ARHGAP15: variants seen among roughly 807,000 people sequenced by gnomAD.
ARHGAP15 encodes Rho GTPase activating protein 15, also known as rho GTPase-activating protein 15.
A neutral mutation model predicts 63.7 loss-of-function variants in ARHGAP15; 51 were observed. That is an observed-to-expected ratio of 0.80 (90% CI 0.64 to 1.01). The LOEUF (loss-of-function observed/expected upper bound fraction) is 1.01. Ranked by LOEUF, ARHGAP15 falls within the 50% of genes least tolerant of loss-of-function variation. The pLI is 0.00. For synonymous variants in ARHGAP15, 191 were observed against 193.8 expected, an observed-to-expected ratio of 0.99 and a Z score of 0.12; for missense variants, 560 against 564.6, an observed-to-expected ratio of 0.99 and a Z score of 0.08.
At chr2:143,572,477 G>T (rs1391226511) in intron 11 of ARHGAP15, among the ~76,000 whole-genome samples, 1 of 152,100 alleles carries the variant, frequency 6.6e-6, no homozygotes, top group African/African-American at 2.4e-5. Context: ...AGTCCACTCA[G>T]ACTTTCTAAG....
intron 6 of ARHGAP15, among the ~76,000 whole-genome samples, 153 bp downstream of exon 6, chr2:143,250,753 T>C (rs900572381): frequency 2.0e-5 from 3 of 152,070 alleles, no homozygotes; most frequent in Non-Finnish European, 2.9e-5. Flanking sequence ...CCCAGTTGAA[T>C]CTTTGGTTTT....
At chr2:143,487,827 G>A (rs541177887) in intron 9 of ARHGAP15, among the ~76,000 whole-genome samples, 10 of 152,142 alleles carry the variant, frequency 6.6e-5, no homozygotes, top group African/African-American at 2.4e-4. Context: ...TTCACAGCTG[G>A]GTTTTAGTAA....
intron 2 of ARHGAP15, among the ~76,000 whole-genome samples, chr2:143,184,884 T>C (rs1476319614): frequency 6.6e-6 from 1 of 151,710 alleles, no homozygotes; most frequent in Non-Finnish European, 1.5e-5. Context: ...AGTCTCACTA[T>C]GTGGCTCAGA....
intron 8 of ARHGAP15, among the ~76,000 whole-genome samples, chr2:143,468,646 G>A (rs796781864): frequency 1.5e-5 from 1 of 67,106 alleles, no homozygotes; most frequent in East Asian, 1.1e-3. Context: ...GAGAGAGAGA[G>A]AGAGAGAGAG....
chr2:143,313,955 G>T (rs1354841319), intron 6 of ARHGAP15, among the ~76,000 whole-genome samples: 2 of 97,906 alleles, frequency 2.0e-5, no homozygotes, highest in Non-Finnish European at 3.9e-5. Context: ...TGAGGAGAGG[G>T]CTTTTTTTTT....
At chr2:143,675,440 T>A (rs1194011985) in intron 12 of ARHGAP15, among the ~76,000 whole-genome samples, 2 of 152,218 alleles carry the variant, frequency 1.3e-5, no homozygotes, top group Non-Finnish European at 2.9e-5. Flanking sequence ...GCTTTCAATT[T>A]ACTTCGCCCA....
chr2:143,374,122 G>C (rs900323877), intron 6 of ARHGAP15, among the ~76,000 whole-genome samples: 1 of 152,140 alleles, frequency 6.6e-6, no homozygotes, highest in Non-Finnish European at 1.5e-5. Flanking sequence ...AATTGGCAAA[G>C]GGTGCCGCAA....
rs1318046706 is a variant in ARHGAP15, at chr2:143,562,044, T to C, written c.1003+5559T>C. Among the ~76,000 whole-genome samples the C allele has an allele frequency of 3.2e-4, 48 of 152,218 alleles. 1 individual carries two copies. Among genetic ancestry groups the C allele is most frequent in the Admixed American group, 3.1e-3 (48 of 15,288 alleles). On this transcript the variant is annotated intron_variant, in intron 11 of 13. Coordinates refer to ENST00000295095, the MANE Select transcript of ARHGAP15 (RefSeq NM_018460.4). ...TACCCAGATTTTATTGGCATAATAA[T>C]CCAAATTAGATATTGGCTTAAAGAG...
intron 9 of ARHGAP15, among the ~76,000 whole-genome samples, chr2:143,507,916 C>G (rs1197888511): frequency 2.0e-5 from 3 of 152,076 alleles, no homozygotes; most frequent in African/African-American, 7.2e-5. Context: ...TCATCTCTTC[C>G]TATATTTCAC....
At chr2:143,544,528 T>C (rs1393884825) in intron 10 of ARHGAP15, among the ~76,000 whole-genome samples, 3 of 152,208 alleles carry the variant, frequency 2.0e-5, no homozygotes, top group African/African-American at 7.2e-5. Context: ...TTGGGAAATA[T>C]GTAAAACGAT....
At chr2:143,207,802 T>G (rs1692400249) in intron 3 of ARHGAP15, among the ~76,000 whole-genome samples, 2 of 152,120 alleles carry the variant, frequency 1.3e-5, no homozygotes, top group South Asian at 4.1e-4. Flanking sequence ...AGACAGAAAA[T>G]CTGATTGATT....
At chr2:143,200,361 A>G (rs1574081882) in intron 2 of ARHGAP15, among the ~76,000 whole-genome samples, 1 of 148,858 alleles carries the variant, frequency 6.7e-6, no homozygotes, top group Non-Finnish European at 1.5e-5. Context: ...GGAATTTTTT[A>G]GGCCAGGATT....
chr2:143,487,334 G>T, intron 8 of ARHGAP15, 39 bp from the exon 9 acceptor site: 1 of 1,582,084 alleles, frequency 6.3e-7, no homozygotes, highest in Non-Finnish European at 8.5e-7. Flanking sequence ...TCATAAAGGA[G>T]AAATTTACCA....
intron 6 of ARHGAP15, among the ~76,000 whole-genome samples, chr2:143,297,179 G>C (rs746933492): frequency 6.6e-6 from 1 of 151,912 alleles, no homozygotes; most frequent in East Asian, 1.9e-4. Context: ...TTAAGCCTTA[G>C]CAAGAGAGGG....
intron 6 of ARHGAP15, among the ~76,000 whole-genome samples, chr2:143,382,090 C>A (rs1558933862): frequency 3.6e-5 from 1 of 27,950 alleles, no homozygotes; most frequent in Non-Finnish European, 7.1e-5. Context: ...CCTTTCCTTC[C>A]TTCCTCCCTC....
At chr2:143,759,536 G>T (rs1012338432) in intron 13 of ARHGAP15, among the ~76,000 whole-genome samples, 1 of 152,078 alleles carries the variant, frequency 6.6e-6, no homozygotes, top group African/African-American at 2.4e-5. Context: ...CCAAAGAAAT[G>T]ATTTCCATCA....
intron 12 of ARHGAP15, among the ~76,000 whole-genome samples, chr2:143,654,380 G>A (rs1430519364): frequency 2.6e-5 from 4 of 152,066 alleles, no homozygotes; most frequent in Admixed American, 6.5e-5. Flanking sequence ...ACTCAAAAAG[G>A]AGTTGAGAAA....
At chr2:143,190,510 C>A (rs1279374055) in intron 2 of ARHGAP15, among the ~76,000 whole-genome samples, 1 of 152,122 alleles carries the variant, frequency 6.6e-6, no homozygotes, top group African/African-American at 2.4e-5. Context: ...AGATTTTAAT[C>A]CCCTAGTTTG....
chr2:143,590,671 G>A (rs1433929147), intron 11 of ARHGAP15, among the ~76,000 whole-genome samples: 1 of 151,876 alleles, frequency 6.6e-6, no homozygotes, highest in East Asian at 1.9e-4. Context: ...CTTCTATAAT[G>A]TTTCTGTTTT....
Sources: allele counts gnomAD v4.1 joint callset (sites outside exome capture counted in the v4.1 genomes callset), GRCh38; gene constraint gnomAD v4.1.1; transcripts MANE v1.5; gene names NCBI Gene and HGNC (gene_info 2026-07-23, HGNC 2026-07-21).